The following MTRR variants were observed in gnomAD, a reference collection of about 807,000 sequenced individuals.
The protein encoded by MTRR is methionine synthase reductase.
Under a neutral mutation model 79.2 loss-of-function variants are expected in MTRR, and 63 were observed. That is an observed-to-expected ratio of 0.80 (90% CI 0.65 to 0.98). The LOEUF is 0.98. Among genes scored for constraint, MTRR ranks in the 50% least tolerant of loss-of-function variants. The pLI, the probability that MTRR is intolerant of heterozygous loss-of-function variation, is 0.00. For missense variants in MTRR, 895 were observed against 839.6 expected, an observed-to-expected ratio of 1.07 and a Z score of -0.82; for synonymous variants, 355 against 313.3, an observed-to-expected ratio of 1.13 and a Z score of -1.41.
chr5:7,891,659 G>A (rs1373456696), intron 10 of MTRR, among the ~76,000 whole-genome samples: 1 of 152,110 alleles, frequency 6.6e-6, no homozygotes, highest in African/African-American at 2.4e-5. Flanking sequence ...GGAGTCTCAG[G>A]CTCCTCCACA....
At chr5:7,892,514 G>A (rs541986228) in intron 10 of MTRR, among the ~76,000 whole-genome samples, 1 of 152,232 alleles carries the variant, frequency 6.6e-6, no homozygotes, top group South Asian at 2.1e-4. Context: ...AAATAAAATT[G>A]GAAACTTTCT....
At chr5:7,869,301 G>T in intron 1 of MTRR, 86 bp downstream of exon 1, 2 of 1,534,872 alleles carry the variant, frequency 1.3e-6, no homozygotes, top group Non-Finnish European at 1.8e-6. Context: ...GGGCGGGGGT[G>T]GGCAGCCGGC....
upstream of MTRR, chr5:7,869,142 T>C: frequency 6.2e-7 from 1 of 1,613,380 alleles, no homozygotes; most frequent in Non-Finnish European, 8.5e-7. Context: ...GCATGGGCGC[T>C]GCGTCAGTGC....
At chr5:7,869,981 G>C in intron 1 of MTRR, 1 of 982,006 alleles carries the variant, frequency 1.0e-6, no homozygotes, top group Non-Finnish European at 1.2e-6. Context: ...TTTTGGTTTG[G>C]GTTTCAGTTT....
intron 1 of MTRR, chr5:7,859,595 TG>T: frequency 8.9e-7 from 1 of 1,127,856 alleles, no homozygotes; most frequent in Non-Finnish European, 1.3e-6. Context: ...GAGGTTCCTC[TG>T]GCTATTGGTT....
At chr5:7,863,525 G>A (rs771337584) in intron 2 of MTRR, among the ~76,000 whole-genome samples, 11 of 152,076 alleles carry the variant, frequency 7.2e-5, no homozygotes, top group Non-Finnish European at 1.2e-4. Context: ...ATGCTGAACT[G>A]GTAAATATAA....
chr5:7,868,805 C>A (rs902261877), upstream of MTRR, among the ~76,000 whole-genome samples: 6 of 152,328 alleles, frequency 3.9e-5, no homozygotes, highest in East Asian at 1.9e-4. Flanking sequence ...CGGGAGGCCC[C>A]GCGGCGCGTT....
rs191903821 is a variant in MTRR at position 7,853,777 on chromosome 5, G to A, written n.391+2192G>A. On this transcript the variant is annotated intron_variant and non_coding_transcript_variant, in intron 1 of 3. Coordinates refer to the MTRR transcript ENST00000502509. ...CAGTTGTTGACTCCTGAACTTGTAC[G>A]ACCACTGCCCCAGGGCCTCACAGTC... 2.8e-3 allele frequency among the ~76,000 whole-genome samples: 424 copies of A among 152,306 alleles called. 3 individuals are homozygous for A. The highest frequency in any genetic ancestry group is 0.012 in the Admixed American group (186 of 15,308).
At chr5:7,886,515 G>T (rs945512388) in intron 7 of MTRR, 100 bp from the exon 8 acceptor site, 10 of 928,148 alleles carry the variant, frequency 1.1e-5, no homozygotes, top group Non-Finnish European at 1.6e-5. Flanking sequence ...ACTTTGATGC[G>T]CTGTAAAGTA....
chr5:7,878,233 T>C lies in MTRR; in HGVS notation c.691T>C (p.Ser231Pro). The change falls in exon 5 of 15, where the codon TCG (serine) becomes CCG (proline). Residue 231 changes from serine to proline, a missense_variant. Coordinates refer to ENST00000440940, the MANE Select transcript of MTRR (RefSeq NM_002454.3). ...IEDFESSLTR[S>P]VPPLSQASLN... is the part of the protein sequence containing the mutation. ...AGACTTTGAGTCCTCACTTACCCGT[T>C]CGGTACCCCCACTCTCACAAGCCTC... 1.2e-6 allele frequency: 2 copies of C among 1,614,232 alleles called. No individual in the cohort carries two copies. Among genetic ancestry groups the C allele is most frequent in the African/African-American group, 2.7e-5 (2 of 75,064 alleles).
Position 7,901,052 on chromosome 5 carries a change from TA to T in MTRR, c.*998del. ...TATTTTTATTTGATAGCTTGGGATT[TA>T]AAACATCTCTGTTGAAGGCTTTTGA... On this transcript the variant is annotated 3_prime_UTR_variant, in exon 15 of 15. Coordinates refer to ENST00000440940, the MANE Select transcript of MTRR (RefSeq NM_002454.3). 1 of 152,204 alleles carries T rather than the reference TA, an allele frequency of 6.6e-6. No homozygotes were observed. The highest frequency in any genetic ancestry group is 1.5e-5 in the Non-Finnish European group (1 of 68,018). The allele number at this position is 152,204 out of a possible 1,614,324, so 9.4% of individuals were successfully genotyped here. A position where few individuals can be genotyped will look rare whatever the true frequency, so the allele number is the denominator to read the frequency against.
chr5:7,867,769 T>G (rs1168439322), upstream of MTRR: 1 of 1,614,200 alleles, frequency 6.2e-7, no homozygotes, highest in Non-Finnish European at 8.5e-7. Flanking sequence ...AGTTGCTCAG[T>G]CTCCTGTAAA....
In MTRR at chr5:7,891,394, C is replaced by T; in HGVS notation, c.1350C>T (p.Pro450=). The T allele has an allele frequency of 6.2e-7, 1 of 1,608,402 alleles. No homozygotes were observed. The highest frequency in any genetic ancestry group is 8.5e-7 in the Non-Finnish European group (1 of 1,177,120). The change falls in exon 10 of 15, where the codon CCC becomes CCT. Residue 450 remains proline, a synonymous_variant. Coordinates refer to ENST00000440940, the MANE Select transcript of MTRR (RefSeq NM_002454.3). ...TAGAACATCTTCCTAAACTTCAACC[C>T]AGACCATATTCGTGTGCAAGGTACT... is the stretch of plus-strand genomic sequence containing the variant. ...LLLEHLPKLQ[P]RPYSCASSSL...
intron 2 of MTRR, among the ~76,000 whole-genome samples, chr5:7,863,966 C>T (rs938818944): frequency 2.6e-5 from 4 of 152,162 alleles, no homozygotes; most frequent in African/African-American, 4.8e-5. Flanking sequence ...TCTCCTAACT[C>T]AGAGTCCAGA....
chr5:7,885,920 T>C (rs1736349036), intron 7 of MTRR, 66 bp downstream of exon 7: 5 of 1,605,588 alleles, frequency 3.1e-6, no homozygotes, highest in Admixed American at 3.3e-5. Flanking sequence ...ATGGTGAGAG[T>C]GTGGCTCTAA....
intron 8 of MTRR, among the ~76,000 whole-genome samples, chr5:7,887,976 G>A (rs1220345048): frequency 1.3e-5 from 2 of 151,586 alleles, no homozygotes; most frequent in Admixed American, 6.6e-5. Flanking sequence ...CATATTATAT[G>A]TGCTGTTCCA....
intron 11 of MTRR, 53 bp downstream of exon 11, chr5:7,892,966 A>G: frequency 1.2e-5 from 18 of 1,554,516 alleles, no homozygotes; most frequent in Non-Finnish European, 1.6e-5. Context: ...TCTTTGTTTC[A>G]TTAGAAAAAA....
At chr5:7,876,816 T>C (rs913526443) in intron 4 of MTRR, among the ~76,000 whole-genome samples, 1 of 152,214 alleles carries the variant, frequency 6.6e-6, no homozygotes, top group Admixed American at 6.5e-5. Context: ...TTAATACATG[T>C]CGTCCTCTTA....
intron 2 of MTRR, among the ~76,000 whole-genome samples, chr5:7,863,808 T>C (rs932819323): frequency 1.3e-5 from 2 of 152,216 alleles, no homozygotes; most frequent in African/African-American, 4.8e-5. Context: ...GATTGCGTGC[T>C]TGAAAATGGC....
Sources: allele counts gnomAD v4.1 joint callset (sites outside exome capture counted in the v4.1 genomes callset), GRCh38; gene constraint gnomAD v4.1.1; transcripts MANE v1.5; gene names NCBI Gene and HGNC (gene_info 2026-07-23, HGNC 2026-07-21).